The following PDE4D variants were observed in gnomAD, a reference collection of about 807,000 sequenced individuals.
PDE4D encodes the protein 3',5'-cyclic-AMP phosphodiesterase 4D.
In PDE4D, 24 loss-of-function variants were observed where a neutral mutation model predicts 87.4. The ratio of observed to expected loss-of-function variants is 0.27; its 90% confidence interval spans 0.20 to 0.39. The LOEUF (loss-of-function observed/expected upper bound fraction) is 0.39. PDE4D is among the 10% of genes least tolerant of loss of function. The pLI, the probability that PDE4D is intolerant of heterozygous loss-of-function variation, is 1.00. For missense variants in PDE4D, 714 were observed against 1,041.0 expected (o/e 0.69, Z 4.32); for synonymous variants, 384 against 383.2 (o/e 1.00, Z -0.02).
rs541638953 is a variant in PDE4D, at chr5:59,538,278, GAAGT to G, written c.456-322314_456-322311del. 1.3e-3 allele frequency among the ~76,000 whole-genome samples: 204 copies of G among 152,270 alleles called. 1 individual carries two copies. The highest frequency in any genetic ancestry group is 4.6e-3 in the African/African-American group (191 of 41,552). ...TAGCCTCTGCTGTGAAAAAGCATGA[GAAGT>G]ATTTATGAGAATAAAGAGGCCTAAG... is the stretch of plus-strand genomic sequence containing the variant. On this transcript the variant is annotated intron_variant, in intron 1 of 14. Transcript: ENST00000340635.
chr5:60,478,822 A>G (rs1201033672), intron 1 of PDE4D, among the ~76,000 whole-genome samples: 1 of 152,156 alleles, frequency 6.6e-6, no homozygotes, highest in Non-Finnish European at 1.5e-5. Flanking sequence ...GCAGTTGACA[A>G]TTTTAGTTCA....
chr5:60,353,853 C>T (rs574603492), intron 1 of PDE4D, among the ~76,000 whole-genome samples: 1 of 152,234 alleles, frequency 6.6e-6, no homozygotes, highest in East Asian at 1.9e-4. Context: ...GAGAAATTCA[C>T]TGGGCCAGGG....
At chr5:59,962,510 G>A (rs910854431) in intron 3 of PDE4D, among the ~76,000 whole-genome samples, 4 of 151,472 alleles carry the variant, frequency 2.6e-5, no homozygotes, top group Non-Finnish European at 4.4e-5. Context: ...GAAATCTTAC[G>A]CTCCTACATG....
At chr5:60,248,801 T>A (rs1351102995) in intron 1 of PDE4D, among the ~76,000 whole-genome samples, 1 of 152,046 alleles carries the variant, frequency 6.6e-6, no homozygotes, top group Non-Finnish European at 1.5e-5. Context: ...AACAGGAAAC[T>A]TCTAAATCTC....
At chr5:60,098,709 T>C (rs986471800) in intron 2 of PDE4D, among the ~76,000 whole-genome samples, 3 of 152,086 alleles carry the variant, frequency 2.0e-5, no homozygotes, top group Non-Finnish European at 4.4e-5. Flanking sequence ...CCATGCCTTA[T>C]GCAAATAGAG....
chr5:59,616,794 C>G (rs973177492), intron 1 of PDE4D, among the ~76,000 whole-genome samples: 1 of 150,786 alleles, frequency 6.6e-6, no homozygotes, highest in African/African-American at 2.4e-5. Context: ...TTTTCCTATT[C>G]TATGCATTTC....
At chr5:60,163,253 T>C (rs546811499) in intron 2 of PDE4D, among the ~76,000 whole-genome samples, 1 of 152,274 alleles carries the variant, frequency 6.6e-6, no homozygotes, top group African/African-American at 2.4e-5. Context: ...CTCTCTCCAC[T>C]TTTTCCATTT....
At chr5:59,794,043 G>T (rs887267547) in intron 1 of PDE4D, among the ~76,000 whole-genome samples, 1 of 151,118 alleles carries the variant, frequency 6.6e-6, no homozygotes, top group Non-Finnish European at 1.5e-5. Flanking sequence ...AGACACACAT[G>T]CACAGGCACA....
chr5:60,430,443 G>A (rs561443167), intron 1 of PDE4D, among the ~76,000 whole-genome samples: 4 of 151,234 alleles, frequency 2.6e-5, no homozygotes, highest in Admixed American at 2.0e-4. Flanking sequence ...CTTCTGCCTC[G>A]CATGCCATTC....
rs61116888 is a variant in PDE4D, at chr5:59,609,377, TAC to T, written c.455+283789_455+283790del. Among the ~76,000 whole-genome samples the T allele has an allele frequency of 2.6e-4, 39 of 147,682 alleles. No individual in the cohort carries two copies. The East Asian group carries it at 5.4e-3, about 21-fold the overall frequency. ...CGTATATCTCTCTAATTTGTATATGTACACACACACACACACACACACATATA... is the reference window on the plus strand; with the variant it reads ...CGTATATCTCTCTAATTTGTATATGTACACACACACACACACACACATATA... On this transcript the variant is annotated intron_variant, in intron 1 of 14. Transcript: ENST00000340635.
At chr5:59,944,014 T>C (rs1431578326) in intron 3 of PDE4D, among the ~76,000 whole-genome samples, 1 of 152,202 alleles carries the variant, frequency 6.6e-6, no homozygotes, top group East Asian at 1.9e-4. Flanking sequence ...GACATATCTA[T>C]GCAAAGAACT....
At chr5:60,375,406 T>C (rs1725045775) in intron 1 of PDE4D, among the ~76,000 whole-genome samples, 1 of 152,256 alleles carries the variant, frequency 6.6e-6, no homozygotes, top group African/African-American at 2.4e-5. Context: ...TTAATATAAT[T>C]CTTATAACCA....
At chr5:59,750,209 C>T (rs546038151) in intron 1 of PDE4D, among the ~76,000 whole-genome samples, 51 of 149,768 alleles carry the variant, frequency 3.4e-4, no homozygotes, top group Non-Finnish European at 5.3e-4. Context: ...CACATCTTTA[C>T]TTTCTACACA....
intron 1 of PDE4D, among the ~76,000 whole-genome samples, chr5:60,399,846 G>C (rs1418225988): frequency 6.6e-6 from 1 of 152,236 alleles, no homozygotes; most frequent in African/African-American, 2.4e-5. Flanking sequence ...TTCTAAGTCT[G>C]GTTCCTACAA....
At chr5:59,377,545 A>G (rs1469114293) in intron 1 of PDE4D, among the ~76,000 whole-genome samples, 1 of 152,228 alleles carries the variant, frequency 6.6e-6, no homozygotes, top group Non-Finnish European at 1.5e-5. Flanking sequence ...CAACAGAGTG[A>G]GCCTATAAAA....
intron 3 of PDE4D, among the ~76,000 whole-genome samples, chr5:59,930,996 T>C (rs1755847372): frequency 6.6e-6 from 1 of 152,064 alleles, no homozygotes; most frequent in Admixed American, 6.6e-5. Flanking sequence ...ATTTCTAATA[T>C]TCTGGGGATT....
chr5:59,035,450 TTGA>T lies in PDE4D; in HGVS notation c.921+3406_921+3408del, dbSNP rs1384510473. On this transcript the variant is annotated intron_variant, in intron 6 of 14. Transcript: ENST00000340635. The stretch of plus-strand genomic sequence containing the variant: ...TAAGAATTATAAAAATCCATCAAAC[TTGA>T]AGTGTCTGGTATAAATTACAACCGA... 4.6e-5 allele frequency among the ~76,000 whole-genome samples: 7 copies of T among 152,306 alleles called. No homozygotes were observed. The East Asian group carries it at 1.4e-3, about 29-fold the overall frequency.
intron 3 of PDE4D, among the ~76,000 whole-genome samples, chr5:59,972,498 C>T (rs993379174): frequency 1.3e-5 from 2 of 152,222 alleles, no homozygotes; most frequent in African/African-American, 4.8e-5. Flanking sequence ...AGGTCGCTCA[C>T]AAAGAAGGTA....
chr5:60,456,081 C>T (rs1746446963), intron 1 of PDE4D, among the ~76,000 whole-genome samples: 1 of 152,140 alleles, frequency 6.6e-6, no homozygotes, highest in Admixed American at 6.6e-5. Context: ...GCCCCACACT[C>T]TTTGGTCCTA....
Sources: gnomAD v4.1 joint callset for allele counts (sites outside exome capture counted in the v4.1 genomes callset) on GRCh38, gnomAD v4.1.1 for gene constraint, MANE v1.5 for transcripts, NCBI Gene and HGNC (gene_info 2026-07-23, HGNC 2026-07-21) for gene names.